Variants in THEMIS observed in about 807,000 individuals in gnomAD.
THEMIS encodes the protein protein THEMIS.
In THEMIS, 37 loss-of-function variants were observed where a neutral mutation model predicts 52.6. That is an observed-to-expected ratio of 0.70 (90% CI 0.54 to 0.93). THEMIS has a LOEUF of 0.93. THEMIS is among the 40% of genes least tolerant of loss of function. THEMIS has a pLI of 0.00. For synonymous variants in THEMIS, 292 were observed against 272.7 expected, an observed-to-expected ratio of 1.07 and a Z score of -0.70; for missense variants, 808 against 763.1, an observed-to-expected ratio of 1.06 and a Z score of -0.69.
At chr6:127,724,898 C>T (rs753171178) in intron 4 of THEMIS, among the ~76,000 whole-genome samples, 9 of 151,974 alleles carry the variant, frequency 5.9e-5, no homozygotes, top group Non-Finnish European at 1.3e-4. Context: ...ATACCTAAGG[C>T]CATGCCGTTG....
intron 4 of THEMIS, among the ~76,000 whole-genome samples, chr6:127,803,682 A>T (rs1271645524): frequency 6.6e-6 from 1 of 152,232 alleles, no homozygotes; most frequent in African/African-American, 2.4e-5. Flanking sequence ...AAAGTTCATC[A>T]GCTAAAGTTG....
At chr6:127,903,298 A>G (rs1781190868), upstream of THEMIS, among the ~76,000 whole-genome samples, 1 of 152,108 alleles carries the variant, frequency 6.6e-6, no homozygotes, top group Admixed American at 6.6e-5. Flanking sequence ...AGGTTGACAA[A>G]GAAGAGCAAT....
At chr6:127,797,928 G>C (rs1219285882) in intron 4 of THEMIS, among the ~76,000 whole-genome samples, 1 of 152,168 alleles carries the variant, frequency 6.6e-6, no homozygotes, top group East Asian at 1.9e-4. Context: ...TAAAATGTGG[G>C]GGTTCACAGG....
At chr6:127,777,203 GT>G (rs1776595648) in intron 4 of THEMIS, among the ~76,000 whole-genome samples, 1 of 144,322 alleles carries the variant, frequency 6.9e-6, no homozygotes, top group Non-Finnish European at 1.5e-5. Flanking sequence ...TTTTTTTTCT[GT>G]TTGTTTCATT....
chr6:127,855,746 G>A (rs756283576), intron 1 of THEMIS, among the ~76,000 whole-genome samples: 1 of 151,818 alleles, frequency 6.6e-6, no homozygotes, highest in Non-Finnish European at 1.5e-5. Flanking sequence ...GAGTATCTTT[G>A]TGGCGATAGG....
intron 4 of THEMIS, among the ~76,000 whole-genome samples, chr6:127,805,615 T>G (rs1471727326): frequency 6.6e-6 from 1 of 152,094 alleles, no homozygotes; most frequent in African/African-American, 2.4e-5. Context: ...TTTATTGCAT[T>G]CTTTCATAGC....
At chr6:127,863,311 T>C (rs76983671) in intron 1 of THEMIS, among the ~76,000 whole-genome samples, 2,861 of 152,278 alleles carry the variant, frequency 0.019, 99 homozygotes, top group African/African-American at 0.066. Context: ...TGAGTCCCCA[T>C]ACAGTATCTG....
At chr6:127,811,057 C>CA (rs535405635) in intron 4 of THEMIS, among the ~76,000 whole-genome samples, 19 of 151,782 alleles carry the variant, frequency 1.3e-4, no homozygotes, top group South Asian at 4.2e-4. Context: ...CAAACAACAA[C>CA]AAAAAAAACC....
chr6:127,795,032 A>G (rs1392391532), intron 4 of THEMIS, among the ~76,000 whole-genome samples: 1 of 152,190 alleles, frequency 6.6e-6, no homozygotes, highest in East Asian at 1.9e-4. Context: ...AAAATACATA[A>G]TCTTTGGTTT....
In THEMIS at chr6:127,735,386, C is replaced by T. The variant is rs759364572; in HGVS notation, c.1759-15563G>A. On this transcript the variant is annotated intron_variant, in intron 4 of 5. Coordinates refer to ENST00000368248, the MANE Select transcript of THEMIS (RefSeq NM_001010923.3). ...CATTAGTCTGTATCTTTTGTAGCAA[C>T]TTCAGCTTTCCTGAACTTCATACTA... Among the ~76,000 whole-genome samples, 14 of 152,048 alleles carry T rather than the reference C, an allele frequency of 9.2e-5. 1 individual carries two copies. Among genetic ancestry groups the T allele is most frequent in the Middle Eastern group, 6.3e-3 (2 of 316 alleles).
chr6:127,886,760 T>G (rs1339869491), intron 1 of THEMIS, among the ~76,000 whole-genome samples: 1 of 152,146 alleles, frequency 6.6e-6, no homozygotes, highest in East Asian at 1.9e-4. Context: ...ATGTCTCCAC[T>G]GGGAGAGGAT....
chr6:127,903,279 G>A (rs1405754793), upstream of THEMIS, among the ~76,000 whole-genome samples: 1 of 152,010 alleles, frequency 6.6e-6, no homozygotes, highest in Non-Finnish European at 1.5e-5. Flanking sequence ...GATGTGAGCA[G>A]CCAAGTTAAG....
chr6:127,806,439 T>G (rs1250166652), intron 4 of THEMIS, among the ~76,000 whole-genome samples: 2 of 152,172 alleles, frequency 1.3e-5, no homozygotes, highest in Non-Finnish European at 2.9e-5. Flanking sequence ...TTTTTCATCA[T>G]TGCCCCCAGG....
In THEMIS at chr6:127,875,978, A is replaced by G. The variant is rs141663038; in HGVS notation, c.92-20790T>C. ...GGGCATTCCAGAAAGTAAAAATACC[A>G]CTTTTAAGATTTAAACAAATTAATG... On this transcript the variant is annotated intron_variant, in intron 1 of 5. Transcript: ENST00000368248. 5.0e-3 allele frequency among the ~76,000 whole-genome samples: 762 copies of G among 152,354 alleles called. 6 individuals carry two copies. The highest frequency in any genetic ancestry group is 0.018 in the African/African-American group (731 of 41,586).
chr6:127,716,553 A>G (rs1774167841), intron 5 of THEMIS, among the ~76,000 whole-genome samples: 1 of 151,830 alleles, frequency 6.6e-6, no homozygotes, highest in Non-Finnish European at 1.5e-5. Context: ...AGATCTCCCT[A>G]TGGGATCAGT....
At chr6:127,746,657 T>G (rs1562230660) in intron 4 of THEMIS, among the ~76,000 whole-genome samples, 1 of 135,280 alleles carries the variant, frequency 7.4e-6, no homozygotes, top group Admixed American at 8.7e-5. Context: ...TAAGATTGAT[T>G]ATATATTCAA....
intron 2 of THEMIS, 65 bp from the exon 3 acceptor site, chr6:127,829,999 A>T: frequency 8.2e-7 from 1 of 1,225,872 alleles, no homozygotes; most frequent in Non-Finnish European, 1.1e-6. Context: ...CAAGAAAATC[A>T]CAAGGAGAGA....
intron 1 of THEMIS, among the ~76,000 whole-genome samples, chr6:127,861,806 GAAAAGAAAGAAAAGAAAA>G (rs1320230969): frequency 1.4e-5 from 1 of 73,460 alleles, no homozygotes; most frequent in African/African-American, 5.0e-5. Flanking sequence ...AAAAAAAAAA[GAAAAGAAAGAAAAGAAAA>G]AAAAGAAAGA....
At chr6:127,820,752 A>G (rs1323659228) in intron 3 of THEMIS, among the ~76,000 whole-genome samples, 1 of 151,968 alleles carries the variant, frequency 6.6e-6, no homozygotes, top group East Asian at 1.9e-4. Flanking sequence ...TTGAATTTTT[A>G]TATTACTCTC....
Sources: gnomAD v4.1 joint callset for allele counts (sites outside exome capture counted in the v4.1 genomes callset) on GRCh38, gnomAD v4.1.1 for gene constraint, MANE v1.5 for transcripts, NCBI Gene and HGNC (gene_info 2026-07-23, HGNC 2026-07-21) for gene names.